The following ST8SIA1 variants were observed in gnomAD, a reference collection of about 807,000 sequenced individuals.
The protein encoded by ST8SIA1 is ST8 alpha-N-acetyl-neuraminide alpha-2,8-sialyltransferase 1.
In ST8SIA1, 16 loss-of-function variants were observed where a neutral mutation model predicts 35.9. The observed-to-expected ratio is 0.45, with a 90% CI of 0.30 to 0.68. The LOEUF (loss-of-function observed/expected upper bound fraction) is 0.68. Among genes scored for constraint, ST8SIA1 ranks in the 30% least tolerant of loss-of-function variants. The pLI is 0.09. For synonymous variants in ST8SIA1, 170 were observed against 169.6 expected (o/e 1.00, Z -0.02); for missense variants, 383 against 453.6 (o/e 0.84, Z 1.41).
At chr12:22,318,986 TAACATCCACA>T (rs1866551352) in intron 1 of ST8SIA1, among the ~76,000 whole-genome samples, 1 of 152,218 alleles carries the variant, frequency 6.6e-6, no homozygotes, top group South Asian at 2.1e-4. Flanking sequence ...ATGATGATCT[TAACATCCACA>T]AACATCCTTA....
intron 1 of ST8SIA1, among the ~76,000 whole-genome samples, chr12:22,314,634 CCTTCT>C (rs1285453432): frequency 3.9e-5 from 6 of 152,148 alleles, no homozygotes; most frequent in Admixed American, 1.3e-4. Flanking sequence ...TGTGTATCTT[CCTTCT>C]CTTCCACAAA....
chr12:22,330,175 T>C (rs1339487181), intron 1 of ST8SIA1, among the ~76,000 whole-genome samples: 1 of 152,176 alleles, frequency 6.6e-6, no homozygotes, highest in Non-Finnish European at 1.5e-5. Context: ...CCTACCATCC[T>C]TGGAGGCTTA....
At chr12:22,300,192 G>C (rs921763507) in intron 1 of ST8SIA1, among the ~76,000 whole-genome samples, 1 of 152,092 alleles carries the variant, frequency 6.6e-6, no homozygotes, top group Non-Finnish European at 1.5e-5. Context: ...ACCAAGTCCT[G>C]CTAAATCTTA....
At chr12:22,303,846 C>CCACACACA (rs61596419) in intron 1 of ST8SIA1, among the ~76,000 whole-genome samples, 18,012 of 140,504 alleles carry the variant, frequency 0.13, 1,255 homozygotes, top group Middle Eastern at 0.17. Flanking sequence ...CACCACCCTG[C>CCACACACA]CACACACACA....
intron 4 of ST8SIA1, among the ~76,000 whole-genome samples, chr12:22,232,098 T>C (rs926823448): frequency 3.3e-5 from 5 of 152,148 alleles, no homozygotes; most frequent in Non-Finnish European, 5.9e-5. Context: ...GTCCCTCTAG[T>C]GCCCCCAGTC....
chr12:22,217,616 T>C (rs751771331), intron 4 of ST8SIA1, among the ~76,000 whole-genome samples: 13 of 152,284 alleles, frequency 8.5e-5, no homozygotes, highest in Non-Finnish European at 1.5e-4. Context: ...TTGAAAAAAA[T>C]AATAATAGCG....
At chr12:22,332,175 G>C (rs1418608866) in intron 1 of ST8SIA1, among the ~76,000 whole-genome samples, 1 of 152,184 alleles carries the variant, frequency 6.6e-6, no homozygotes, top group Admixed American at 6.5e-5. Context: ...TGAGGGATAT[G>C]TGTTTAGGTA....
intron 4 of ST8SIA1, among the ~76,000 whole-genome samples, chr12:22,213,555 G>C (rs531435381): frequency 2.6e-5 from 4 of 152,288 alleles, no homozygotes; most frequent in African/African-American, 7.2e-5. Flanking sequence ...GGAGTTGAAG[G>C]AGAAGAGCAC....
rs867624960 is a variant in ST8SIA1, at chr12:22,312,729, C to A, written c.236+21268G>T. On this transcript the variant is annotated intron_variant, in intron 1 of 4. Transcript: ENST00000396037. Reference sequence around the variant, plus strand: ...CACGGAAATGAAAAAAAAAAAAAAACAATAAATTTGTAAAAATAATTTGGT... The same window carrying A: ...CACGGAAATGAAAAAAAAAAAAAAAAAATAAATTTGTAAAAATAATTTGGT... 9.8e-3 allele frequency among the ~76,000 whole-genome samples: 1,321 copies of A among 135,194 alleles called. 17 individuals are homozygous for A. Among genetic ancestry groups the A allele is most frequent in the African/African-American group, 0.039 (1,219 of 31,516 alleles). 88.7% of individuals were successfully genotyped at this position (135,194 alleles called of 152,430 possible). A position where few individuals can be genotyped will look rare whatever the true frequency, so the allele number is the denominator to read the frequency against.
chr12:22,266,299 T>C (rs1865847785), intron 2 of ST8SIA1, among the ~76,000 whole-genome samples: 1 of 152,012 alleles, frequency 6.6e-6, no homozygotes, highest in Non-Finnish European at 1.5e-5. Flanking sequence ...AATTCATTTA[T>C]GCCCCATGAG....
At position 22,279,910 on chromosome 12, in the gene ST8SIA1, T is replaced by A. The variant is rs541362836; in HGVS notation, c.381+7239A>T. ...AGTCAGGCCATAAGTGATTAAAAAA[T>A]GTTGTGCTAGCTCACCTGTGATCTA... On this transcript the variant is annotated intron_variant, in intron 2 of 4. Coordinates refer to ENST00000396037, the MANE Select transcript of ST8SIA1 (RefSeq NM_003034.4). Among the ~76,000 whole-genome samples the A allele has an allele frequency of 4.6e-5, 7 of 152,230 alleles. 1 individual carries two copies. The South Asian group carries it at 1.5e-3, about 32-fold the overall frequency.
intron 1 of ST8SIA1, among the ~76,000 whole-genome samples, chr12:22,293,864 G>A (rs926194385): frequency 3.9e-5 from 6 of 152,266 alleles, no homozygotes; most frequent in African/African-American, 1.2e-4. Flanking sequence ...TCTAACAAAA[G>A]GGGGCTTTTC....
intron 3 of ST8SIA1, 108 bp from the exon 4 acceptor site, chr12:22,249,206 C>CTT: frequency 1.4e-6 from 1 of 696,160 alleles, no homozygotes; most frequent in Non-Finnish European, 2.3e-6. Flanking sequence ...TCACGAGTAA[C>CTT]TGTTTTGTTT....
intron 1 of ST8SIA1, among the ~76,000 whole-genome samples, chr12:22,331,233 G>A (rs1866760262): frequency 6.6e-6 from 1 of 152,198 alleles, no homozygotes; most frequent in South Asian, 2.1e-4. Flanking sequence ...CGTATGTTAA[G>A]TCATCGTATT....
At chr12:22,317,979 C>T (rs911589346) in intron 1 of ST8SIA1, among the ~76,000 whole-genome samples, 45 of 152,148 alleles carry the variant, frequency 3.0e-4, no homozygotes, top group African/African-American at 7.2e-4. Context: ...CCTGTTGTCC[C>T]GGCATAATTA....
At position 22,195,346 on chromosome 12, in the gene ST8SIA1, G is replaced by A. The variant is rs1417242628; in HGVS notation, c.*6206C>T. 4 of 152,158 alleles carry A rather than the reference G, an allele frequency of 2.6e-5. No homozygotes were observed. The highest frequency in any genetic ancestry group is 7.2e-5 in the African/African-American group (3 of 41,418). 9.4% of individuals were successfully genotyped at this position (152,158 alleles called of 1,614,324 possible). A position where few individuals can be genotyped will look rare whatever the true frequency, so the allele number is the denominator to read the frequency against. On this transcript the variant is annotated 3_prime_UTR_variant, in exon 5 of 5. Coordinates refer to ENST00000396037, the MANE Select transcript of ST8SIA1 (RefSeq NM_003034.4). ...TGTCATGGTCCAAGTGGGTAAACAG[G>A]TACCACTCTGTTCTCTCCGTCAGCA...
intron 2 of ST8SIA1, among the ~76,000 whole-genome samples, chr12:22,260,486 C>T (rs1197692572): frequency 6.6e-6 from 1 of 152,178 alleles, no homozygotes; most frequent in African/African-American, 2.4e-5. Context: ...TGCTCAGCCA[C>T]TAACCATCCT....
At position 22,201,420 on chromosome 12, in the gene ST8SIA1, T is replaced by G. The variant is rs1303738139; in HGVS notation, c.*132A>C. On this transcript the variant is annotated 3_prime_UTR_variant, in exon 5 of 5. Coordinates refer to ENST00000396037, the MANE Select transcript of ST8SIA1 (RefSeq NM_003034.4). ...CGCTGAAAGTAAAGTTTTGCTTGGA[T>G]CTTCATTGCTCCTTTCCTGTTTTTC... is the stretch of plus-strand genomic sequence containing the variant. 1 of 1,269,204 alleles carries G rather than the reference T, an allele frequency of 7.9e-7. No individual in the cohort carries two copies. The highest frequency in any genetic ancestry group is 1.5e-5 in the African/African-American group (1 of 66,562). The allele number at this position is 1,269,204 out of a possible 1,614,324, so 78.6% of individuals were successfully genotyped here.
At chr12:22,258,436 T>C (rs1356874969) in intron 2 of ST8SIA1, among the ~76,000 whole-genome samples, 1 of 149,622 alleles carries the variant, frequency 6.7e-6, no homozygotes, top group Non-Finnish European at 1.5e-5. Context: ...GGTGAATGAG[T>C]GCAGATGGAA....
Sources: allele counts gnomAD v4.1 joint callset (sites outside exome capture counted in the v4.1 genomes callset), GRCh38; gene constraint gnomAD v4.1.1; transcripts MANE v1.5; gene names NCBI Gene and HGNC (gene_info 2026-07-23, HGNC 2026-07-21).